ALDH9A1: variants seen among roughly 807,000 people sequenced by gnomAD.
The protein encoded by ALDH9A1 is aldehyde dehydrogenase 9 family member A1.
A neutral mutation model predicts 56.6 loss-of-function variants in ALDH9A1; 42 were observed. That is an observed-to-expected ratio of 0.74 (90% CI 0.58 to 0.96). The LOEUF is 0.96. ALDH9A1 is among the 40% of genes least tolerant of loss of function. The pLI is 0.00. For synonymous variants in ALDH9A1, 242 were observed against 236.0 expected (o/e 1.03, Z -0.23); for missense variants, 661 against 651.5 (o/e 1.01, Z -0.16).
At chr1:165,682,423 A>T (rs1195769637) in intron 3 of ALDH9A1, among the ~76,000 whole-genome samples, 182 bp from the exon 4 acceptor site, 1 of 152,194 alleles carries the variant, frequency 6.6e-6, no homozygotes, top group Admixed American at 6.5e-5. Context: ...GCTTCCACGT[A>T]TTCTCTCCAC....
At chr1:165,671,049 C>T (rs1245080787) in intron 6 of ALDH9A1, among the ~76,000 whole-genome samples, 4 of 152,138 alleles carry the variant, frequency 2.6e-5, no homozygotes, top group South Asian at 2.1e-4. Context: ...CCAGCCTGGG[C>T]GACAGAGCGA....
rs759458345 is a variant in ALDH9A1 at position 165,680,600 on chromosome 1, G to C, written c.676C>G (p.Pro226Ala). The stretch of plus-strand genomic sequence containing the variant: ...TGCACCACATTGAAGAGCCCAGGAG[G>C]TACACCAGCCTCACTGTAGATTTCA... ...LAEIYSEAGV[P>A]PGLFNVVQGG... Residue 226 changes from proline (P) to alanine (A), a missense_variant, in exon 5 of 11, where the codon CCT (proline) becomes GCT (alanine). Pro to Ala is a conservative substitution (Grantham distance 27). Transcript: ENST00000354775. The C allele has an allele frequency of 6.2e-7, 1 of 1,614,002 alleles. No homozygotes were observed. The highest frequency in any genetic ancestry group is 1.3e-5 in the African/African-American group (1 of 74,920).
At position 165,686,703 on chromosome 1, in the gene ALDH9A1, T is replaced by TA. The variant is rs1476688934; in HGVS notation, c.328-3594_328-3593insT. ...AGGATCAAACTGATTCCAAGTAACT[T>TA]CACTGTGTCCCAGAACAAAGCTTAA... On this transcript the variant is annotated intron_variant, in intron 2 of 10. Coordinates refer to ENST00000354775, the MANE Select transcript of ALDH9A1 (RefSeq NM_000696.4). Among the ~76,000 whole-genome samples the TA allele has an allele frequency of 5.3e-5, 8 of 152,046 alleles. 1 individual carries two copies. In the East Asian group the frequency reaches 1.5e-3, roughly 29 times the overall value.
At chr1:165,669,579 A>C in intron 6 of ALDH9A1, 129 bp from the exon 7 acceptor site, 1 of 865,302 alleles carries the variant, frequency 1.2e-6, no homozygotes, top group South Asian at 2.1e-5. Context: ...GGATATTTCC[A>C]TTTCTAAAAA....
rs759763274 is a variant in ALDH9A1, at chr1:165,679,494, A to T, written c.878T>A (p.Met293Lys). 5.0e-6 allele frequency: 8 copies of T among 1,614,214 alleles called. No homozygotes were observed. In the South Asian group the frequency reaches 8.8e-5, roughly 18 times the overall value. ...SPLIIFSDCD[M>K]NNAVKGALMA... ...CAGCGCCCCCTTTACAGCATTGTTC[A>T]TATCACAGTCTGAGAAGATGATGAG... is the stretch of plus-strand genomic sequence containing the variant. The change falls in exon 6 of 11, where the codon ATG becomes AAG. Residue 293 changes from methionine (M) to lysine (K), a missense_variant. Transcript: ENST00000354775.
intron 2 of ALDH9A1, among the ~76,000 whole-genome samples, chr1:165,691,593 T>G (rs1290677067): frequency 6.6e-6 from 1 of 152,026 alleles, no homozygotes; most frequent in Non-Finnish European, 1.5e-5. Flanking sequence ...TTCTCTGAGG[T>G]AAAGGATGAT....
intron 1 of ALDH9A1, among the ~76,000 whole-genome samples, chr1:165,697,026 T>C (rs1650110618): frequency 6.6e-6 from 1 of 152,242 alleles, no homozygotes; most frequent in African/African-American, 2.4e-5. Context: ...AAATCAGTTT[T>C]ATTGCTCTGG....
intron 2 of ALDH9A1, among the ~76,000 whole-genome samples, chr1:165,694,968 A>T (rs1042212958): frequency 3.6e-4 from 55 of 151,994 alleles, no homozygotes; most frequent in Middle Eastern, 3.4e-3. Context: ...AAAAAAAAAA[A>T]AATAAAAATA....
rs370505042 is a variant in ALDH9A1 at position 165,679,451 on chromosome 1, T to C, written c.921A>G (p.Thr307=). Residue 307 remains threonine (T), a synonymous_variant, in exon 6 of 11, where the codon ACA becomes ACG. Transcript: ENST00000354775. ...AGGGACAGGTACATACCTGGCCTTGTGTGAGGAAGTTGGCCATCAGCGCCC... is the reference window on the plus strand; with the variant it reads ...AGGGACAGGTACATACCTGGCCTTGCGTGAGGAAGTTGGCCATCAGCGCCC... ...VKGALMANFL[T]QGQVCCNGTR... is the part of the protein sequence containing the mutation. The C allele has an allele frequency of 3.1e-6, 5 of 1,613,982 alleles. No individual in the cohort carries two copies. In the African/African-American group the frequency reaches 5.3e-5, roughly 17 times the overall value.
In ALDH9A1 at chr1:165,698,490, G is replaced by A. The variant is rs1393545979; in HGVS notation, c.69C>T (p.Ala23=). 1 of 1,608,878 alleles carries A rather than the reference G, an allele frequency of 6.2e-7. No homozygotes were observed. The highest frequency in any genetic ancestry group is 1.3e-5 in the African/African-American group (1 of 74,246). ...CGACGAAGGTGCCAGTGCTCATGGC[G>A]GCGACAGGAGAGGGCCGAAGACTGC... The part of the protein sequence containing the change: ...LLRSLRPSPV[A]AMSTGTFVVS... The change falls in exon 1 of 11, where the codon GCC becomes GCT. Residue 23 remains alanine, a synonymous_variant. Transcript: ENST00000354775.
chr1:165,668,969 A>T lies in ALDH9A1; in HGVS notation c.1164T>A (p.Asp388Glu). The T allele has an allele frequency of 6.2e-7, 1 of 1,612,050 alleles. No homozygotes were observed. The highest frequency in any genetic ancestry group is 2.2e-5 in the East Asian group (1 of 44,854). The stretch of plus-strand genomic sequence containing the variant: ...TGTAATATCCATCCTTTAATTTGGG[A>T]TCTTCAGGTACATATATATCTCCAC... ...LCGGDIYVPE[D>E]PKLKDGYYMR... is the part of the protein sequence containing the mutation. Residue 388 changes from aspartate to glutamate, a missense_variant, in exon 8 of 11, where the codon GAT becomes GAA. Coordinates refer to ENST00000354775, the MANE Select transcript of ALDH9A1 (RefSeq NM_000696.4).
rs1406257079 is a variant in ALDH9A1 at position 165,668,984 on chromosome 1, T to C, written c.1149A>G (p.Ile383Met). The C allele has an allele frequency of 6.2e-7, 1 of 1,612,138 alleles. No individual in the cohort carries two copies. The highest frequency in any genetic ancestry group is 1.7e-4 in the Middle Eastern group (1 of 6,056). Residue 383 changes from isoleucine (I) to methionine (M), a missense_variant, in exon 8 of 11, where the codon ATA becomes ATG. Coordinates refer to ENST00000354775, the MANE Select transcript of ALDH9A1 (RefSeq NM_000696.4). ...TTAATTTGGGATCTTCAGGTACATA[T>C]ATATCTCCACCACATAACACTTTAG... is the stretch of plus-strand genomic sequence containing the variant. The part of the protein sequence containing the change: ...QGAKVLCGGD[I>M]YVPEDPKLKD...
At chr1:165,691,187 A>G (rs1275721486) in intron 2 of ALDH9A1, among the ~76,000 whole-genome samples, 1 of 152,158 alleles carries the variant, frequency 6.6e-6, no homozygotes, top group African/African-American at 2.4e-5. Flanking sequence ...AGGCAGCAAC[A>G]TTTGCTGTTC....
At chr1:165,675,247 T>C (rs1649313345) in intron 6 of ALDH9A1, among the ~76,000 whole-genome samples, 2 of 139,238 alleles carry the variant, frequency 1.4e-5, no homozygotes. Context: ...TTATTTTTAG[T>C]GCTCTCTCTC....
intron 4 of ALDH9A1, among the ~76,000 whole-genome samples, chr1:165,681,262 T>C (rs1649543394): frequency 6.6e-6 from 1 of 152,222 alleles, no homozygotes; most frequent in Non-Finnish European, 1.5e-5. Flanking sequence ...AGTCTCACAT[T>C]TGCATATCTA....
chr1:165,694,959 A>C (rs950114189), intron 2 of ALDH9A1, among the ~76,000 whole-genome samples: 1 of 151,062 alleles, frequency 6.6e-6, no homozygotes. Flanking sequence ...CCGTCTCAAA[A>C]AAAAAAAAAA....
intron 8 of ALDH9A1, 127 bp from the exon 9 acceptor site, chr1:165,667,577 G>T: frequency 1.0e-6 from 1 of 967,024 alleles, no homozygotes; most frequent in Non-Finnish European, 1.5e-6. Flanking sequence ...CTGGGCTCCA[G>T]CGATCCTCCT....
chr1:165,669,368 C>T lies in ALDH9A1; in HGVS notation c.1013G>A (p.Arg338Lys), dbSNP rs1271997636. ...FTEEVVKQTQ[R>K]IKIGDPLLED... ...CAGAAGGGGATCTCCAATTTTAATC[C>T]TTTGGGTCTGTTTCACCACTTCCTC... Residue 338 changes from arginine (R) to lysine (K), a missense_variant, in exon 7 of 11, where the codon AGG (arginine) becomes AAG (lysine). By Grantham distance (26) the Arg-to-Lys change is conservative (BLOSUM62 2). Coordinates refer to ENST00000354775, the MANE Select transcript of ALDH9A1 (RefSeq NM_000696.4). 2 of 1,613,868 alleles carry T rather than the reference C, an allele frequency of 1.2e-6. No homozygotes were observed. Among genetic ancestry groups the T allele is most frequent in the African/African-American group, 2.7e-5 (2 of 74,874 alleles).
intron 1 of ALDH9A1, 34 bp downstream of exon 1, chr1:165,698,344 G>C: frequency 1.3e-6 from 2 of 1,568,704 alleles, no homozygotes; most frequent in Non-Finnish European, 1.7e-6. Flanking sequence ...TCCGGCCCCA[G>C]GGCGCCCCAG....
Sources: allele counts gnomAD v4.1 joint callset (sites outside exome capture counted in the v4.1 genomes callset), GRCh38; gene constraint gnomAD v4.1.1; transcripts MANE v1.5; gene names NCBI Gene and HGNC (gene_info 2026-07-23, HGNC 2026-07-21).